The following HINFP variants were observed in gnomAD, a reference collection of about 807,000 sequenced individuals.
HINFP encodes MBD2 (methyl-CpG-binding protein)-interacting zinc finger protein.
HINFP carries 20 observed loss-of-function variants against 50.1 expected under a neutral mutation model. The ratio of observed to expected loss-of-function variants is 0.40; its 90% CI spans 0.28 to 0.58. The LOEUF (loss-of-function observed/expected upper bound fraction) is 0.58, where lower values mean the gene tolerates loss of function less well. Among genes scored for constraint, HINFP ranks in the 20% least tolerant of loss-of-function variants. The pLI is 0.45. For missense variants in HINFP, 505 were observed against 664.1 expected (o/e 0.76, Z 2.63); for synonymous variants, 247 against 243.7 (o/e 1.01, Z -0.13).
Position 119,134,467 on chromosome 11 carries a change from T to C in HINFP, c.1523T>C (p.Ile508Thr), listed in dbSNP as rs1291662280. Residue 508 changes from isoleucine (I) to threonine (T), a missense_variant, in exon 10 of 10, where the codon ATA (isoleucine) becomes ACA (threonine). By Grantham distance (89) the Ile-to-Thr change is moderately conservative. Coordinates refer to ENST00000350777, the MANE Select transcript of HINFP (RefSeq NM_198971.3). The surrounding 1 kb of genome is among the most constrained non-coding windows in gnomAD (Gnocchi z 4.3). ...SGGIMEKLQGIAEEPEIQMV is the reference protein window; with the variant it reads ...SGGIMEKLQGTAEEPEIQMV Reference sequence around the variant, plus strand: ...GGCATCATGGAAAAGCTTCAAGGAATAGCTGAGGAGCCAGAGATCCAGATG... The same window carrying C: ...GGCATCATGGAAAAGCTTCAAGGAACAGCTGAGGAGCCAGAGATCCAGATG... 3 of 1,609,524 alleles carry C rather than the reference T, an allele frequency of 1.9e-6. No homozygotes were observed. The highest frequency in any genetic ancestry group is 2.5e-6 in the Non-Finnish European group (3 of 1,176,914).
At chr11:119,128,911 C>T in intron 2 of HINFP, among the ~76,000 whole-genome samples, 1 of 151,544 alleles carries the variant, frequency 6.6e-6, no homozygotes, top group South Asian at 2.1e-4. Flanking sequence ...CTGTGTTAGC[C>T]AGGATGGGAT....
intron 7 of HINFP, 35 bp downstream of exon 7, chr11:119,132,816 T>C: frequency 1.2e-6 from 2 of 1,613,906 alleles, no homozygotes; most frequent in Non-Finnish European, 1.7e-6. Flanking sequence ...ACAGCTCATG[T>C]TCCAGTGTTC....
At position 119,136,049 on chromosome 11, in the gene HINFP, G is replaced by A. The variant is rs115058854; in HGVS notation, c.*1551G>A. On this transcript the variant is annotated 3_prime_UTR_variant, in exon 10 of 10. Coordinates refer to ENST00000350777, the MANE Select transcript of HINFP (RefSeq NM_198971.3). ...TCAAATAAATAAATAAATAAAGAAA[G>A]AAAAGAAAAACTGTGTGTGTCTATT... 1.5e-5 allele frequency: 1 copy of A among 67,202 alleles called. No homozygotes were observed. The highest frequency in any genetic ancestry group is 3.6e-5 in the African/African-American group (1 of 27,922). The allele number at this position is 67,202 out of a possible 1,614,324, so 4.2% of individuals were successfully genotyped here.
intron 1 of HINFP, chr11:119,125,484 A>G (rs1211448407): frequency 6.6e-6 from 1 of 152,216 alleles, no homozygotes; most frequent in Admixed American, 6.5e-5. Context: ...AGCCTGGGCA[A>G]CATGGCAAAA....
rs1947443304 is a variant in HINFP, at chr11:119,127,019, G to A, written c.75G>A (p.Val25=). 6.2e-7 allele frequency: 1 copy of A among 1,614,164 alleles called. No homozygotes were observed. ...GTGAGTGGGGGTCCTGCTCCTTTGT[G>A]TGCTCAACCATGGAAAAGTTCTTTG... ...LQCEWGSCSF[V]CSTMEKFFEH... is the part of the protein sequence containing the mutation. Residue 25 remains valine (V), a synonymous_variant, in exon 2 of 10, where the codon GTG becomes GTA. Coordinates refer to ENST00000350777, the MANE Select transcript of HINFP (RefSeq NM_198971.3).
chr11:119,132,638 A>G (rs1947831657), intron 6 of HINFP, 23 bp from the exon 7 acceptor site: 1 of 1,614,056 alleles, frequency 6.2e-7, no homozygotes, highest in South Asian at 1.1e-5. Context: ...CTCACATCAC[A>G]GCCTCCTCTC....
Position 119,133,104 on chromosome 11 carries a change from G to C in HINFP, c.1024G>C (p.Glu342Gln), listed in dbSNP as rs375257352. 4 of 1,614,120 alleles carry C rather than the reference G, an allele frequency of 2.5e-6. No homozygotes were observed. The highest frequency in any genetic ancestry group is 3.4e-6 in the Non-Finnish European group (4 of 1,180,048). Residue 342 changes from glutamate to glutamine, a missense_variant, in exon 9 of 10, where the codon GAG becomes CAG. Glu to Gln is a conservative substitution (Grantham distance 29). Transcript: ENST00000350777. ...HYRKVHEGDS[E>Q]PRYKCHVCDK... ...CTTCCTTCCCCATCAGGGAGACTCT[G>C]AGCCAAGGTACAAATGTCATGTGTG...
chr11:119,129,490 C>CTTTTTTTTTTTTTTTTTTTTT (rs59395600), intron 2 of HINFP, among the ~76,000 whole-genome samples: 12 of 124,182 alleles, frequency 9.7e-5, no homozygotes, highest in East Asian at 5.0e-4. Flanking sequence ...TTTTTCTTTT[C>CTTTTTTTTTTTTTTTTTTTTT]TTTTTTTTTT....
rs1309978812 is a variant in HINFP, at chr11:119,134,659, T to TA, written c.*164dup. ...TGGGTTTGCATCATTCTGCAGACTCTAAAGACTTCCCTTTTCTGCCAGACT... is the reference window on the plus strand; with the variant it reads ...TGGGTTTGCATCATTCTGCAGACTCTAAAAGACTTCCCTTTTCTGCCAGACT... On this transcript the variant is annotated 3_prime_UTR_variant, in exon 10 of 10. Transcript: ENST00000350777. The surrounding 1 kb of genome is among the most constrained non-coding windows in gnomAD (Gnocchi z 4.3). 1 of 564,184 alleles carries TA rather than the reference T, an allele frequency of 1.8e-6. No homozygotes were observed. The highest frequency in any genetic ancestry group is 3.1e-6 in the Non-Finnish European group (1 of 323,340). The allele number at this position is 564,184 out of a possible 1,614,324, so 34.9% of individuals were successfully genotyped here.
At position 119,134,426 on chromosome 11, in the gene HINFP, T is replaced by A. The variant is rs761943952; in HGVS notation, c.1482T>A (p.Pro494=). 17 of 1,614,022 alleles carry A rather than the reference T, an allele frequency of 1.1e-5. No individual in the cohort carries two copies. In the South Asian group the frequency reaches 1.6e-4, roughly 16 times the overall value. Residue 494 remains proline (P), a synonymous_variant, in exon 10 of 10, where the codon CCT becomes CCA. Transcript: ENST00000350777. The surrounding 1 kb of genome is among the most constrained non-coding windows in gnomAD (Gnocchi z 4.3). ...SEAPGEPPPA[P]EPPSGGIMEK... ...CCCCAGGGGAGCCTCCCCCAGCCCC[T>A]GAGCCACCTTCAGGGGGCATCATGG...
chr11:119,131,496 C>G lies in HINFP; in HGVS notation c.412-39C>G. ...GGGCACATAGGGGTGAGTCCCTCTA[C>G]CCACCCTCAGTCCTCACCCCAAGTT... On this transcript the variant is annotated intron_variant, in intron 3 of 9. Coordinates refer to ENST00000350777, the MANE Select transcript of HINFP (RefSeq NM_198971.3). This position sits in a 1 kb window ranked among gnomAD's most constrained non-coding sequence, Gnocchi z 4.2. 7.1e-7 allele frequency: 1 copy of G among 1,400,974 alleles called. No homozygotes were observed. The highest frequency in any genetic ancestry group is 1.0e-6 in the Non-Finnish European group (1 of 985,216). 86.8% of individuals were successfully genotyped at this position (1,400,974 alleles called of 1,614,324 possible). A position where few individuals can be genotyped will look rare whatever the true frequency, so the allele number is the denominator to read the frequency against.
rs1489724893 is a variant in HINFP, at chr11:119,135,648, T to C, written c.*1150T>C. ...CCATTTTTATGGTCTACTGCTATGC[T>C]GGAGAGGTCAAGGAAATAGTCTTGG... is the stretch of plus-strand genomic sequence containing the variant. On this transcript the variant is annotated 3_prime_UTR_variant, in exon 10 of 10. Transcript: ENST00000350777. 2.6e-5 allele frequency: 4 copies of C among 152,208 alleles called. No homozygotes were observed. The highest frequency in any genetic ancestry group is 5.9e-5 in the Non-Finnish European group (4 of 68,040). The allele number at this position is 152,208 out of a possible 1,614,324, so 9.4% of individuals were successfully genotyped here.
intron 2 of HINFP, chr11:119,130,321 A>T (rs760177783): frequency 4.4e-6 from 1 of 226,920 alleles, no homozygotes; most frequent in African/African-American, 2.3e-5. Flanking sequence ...ATACTCATCC[A>T]TCGTACTTCA....
At position 119,130,724 on chromosome 11, in the gene HINFP, G is replaced by A; in HGVS notation, c.182-1G>A. On this transcript the variant is annotated splice_acceptor_variant, in intron 2 of 9. Transcript: ENST00000350777. LOFTEE classifies it high-confidence loss of function. ...TCTTCCTTTTAAACCCCTTTCTACA[G>A]AGGAAGAATTCTCCTGCTTGTGGCA... 5 of 1,613,868 alleles carry A rather than the reference G, an allele frequency of 3.1e-6. No individual in the cohort carries two copies. The South Asian group carries it at 5.5e-5, about 18-fold the overall frequency.
intron 1 of HINFP, among the ~76,000 whole-genome samples, chr11:119,123,548 C>A: frequency 7.2e-6 from 1 of 138,820 alleles, no homozygotes; most frequent in South Asian, 2.3e-4. Flanking sequence ...TTTCTTTCTT[C>A]TTTTTTTTTT....
chr11:119,124,781 C>T (rs1200672502), intron 1 of HINFP: 1 of 151,894 alleles, frequency 6.6e-6, no homozygotes, highest in East Asian at 1.9e-4. Flanking sequence ...CGAGACCAGC[C>T]TGGCCATCAT....
At chr11:119,127,160 A>C in intron 2 of HINFP, 35 bp downstream of exon 2, 689 of 1,499,654 alleles carry the variant, frequency 4.6e-4, no homozygotes, top group Non-Finnish European at 5.4e-4. Context: ...GGAGGAGCTC[A>C]AGGAAAGGTG....
At chr11:119,125,748 CTA>C (rs1253221887) in intron 1 of HINFP, 1 of 152,152 alleles carries the variant, frequency 6.6e-6, no homozygotes, top group Non-Finnish European at 1.5e-5. Context: ...GCAGTATAAA[CTA>C]CACAGATACG....
intron 2 of HINFP, among the ~76,000 whole-genome samples, chr11:119,128,071 C>G (rs1450412366): frequency 2.6e-5 from 4 of 152,110 alleles, no homozygotes; most frequent in African/African-American, 9.7e-5. Flanking sequence ...CCAGGATGGT[C>G]TCAATCTCTT....
Sources: gnomAD v4.1 joint callset for allele counts (sites outside exome capture counted in the v4.1 genomes callset) on GRCh38, gnomAD v4.1.1 for gene constraint, Gnocchi (gnomAD v3.1) non-coding constraint, MANE v1.5 for transcripts, NCBI Gene and HGNC (gene_info 2026-07-23, HGNC 2026-07-21) for gene names.